The following CEP95 variants were observed in gnomAD, a reference collection of about 807,000 sequenced individuals.
The protein encoded by CEP95 is centrosomal protein of 95 kDa.
A neutral mutation model predicts 111.2 loss-of-function variants in CEP95; 98 were observed. That is an observed-to-expected ratio of 0.88 (90% CI 0.75 to 1.04). The LOEUF is 1.04. Ranked by LOEUF, CEP95 falls within the 50% of genes least tolerant of loss-of-function variation. CEP95 has a pLI of 0.00. For synonymous variants in CEP95, 323 were observed against 327.1 expected (o/e 0.99, Z 0.14); for missense variants, 1,027 against 977.2 (o/e 1.05, Z -0.68).
At chr17:64,507,300 T>G in intron 1 of CEP95, 184 bp downstream of exon 1, 1 of 1,464,038 alleles carries the variant, frequency 6.8e-7, no homozygotes, top group South Asian at 1.4e-5. Context: ...TTCGAGGCCG[T>G]GGAACAGCAG....
At position 64,510,188 on chromosome 17, in the gene CEP95, C is replaced by T. The variant is rs782609312; in HGVS notation, c.164C>T (p.Pro55Leu). ...CCCCCCCCAGACCTCATAGTTATTC[C>T]TAGGAGTCAAGAAGATGATGCACAC... Reference protein sequence around the residue: ...GEKVPDLIVIPRSQEDDAHNV... With the variant: ...GEKVPDLIVILRSQEDDAHNV... The change falls in exon 3 of 20, where the codon CCT (proline) becomes CTT (leucine). Residue 55 changes from proline to leucine, a missense_variant. Physicochemically the swap from Pro to Leu is moderately conservative, Grantham distance 98 (BLOSUM62 -3). Coordinates refer to ENST00000556440, the MANE Select transcript of CEP95 (RefSeq NM_138363.3). 2.5e-6 allele frequency: 4 copies of T among 1,606,804 alleles called. No individual in the cohort carries two copies. Among genetic ancestry groups the T allele is most frequent in the Admixed American group, 1.7e-5 (1 of 59,510 alleles).
At chr17:64,526,673 C>T (rs1967848545) in intron 10 of CEP95, among the ~76,000 whole-genome samples, 1 of 152,130 alleles carries the variant, frequency 6.6e-6, no homozygotes, top group African/African-American at 2.4e-5. Context: ...TAAAACTAAA[C>T]ATGTATGCCA....
Position 64,529,323 on chromosome 17 carries a change from C to G in CEP95, c.1342C>G (p.His448Asp), listed in dbSNP as rs782020863. The G allele has an allele frequency of 1.1e-5, 18 of 1,613,640 alleles. No homozygotes were observed. Among genetic ancestry groups the G allele is most frequent in the Admixed American group, 1.7e-5 (1 of 59,982 alleles). Residue 448 changes from histidine (H) to aspartate (D), a missense_variant, in exon 12 of 20, where the codon CAT (histidine) becomes GAT (aspartate). His to Asp is a moderately conservative substitution (Grantham distance 81). Coordinates refer to ENST00000556440, the MANE Select transcript of CEP95 (RefSeq NM_138363.3). ...GCGTAGAAAGCCACCCTACAGATCC[C>G]ATTCGCTCTCTCCATCTCCAGTTAA... ...SMRRKPPYRS[H>D]SLSPSPVNKH...
In CEP95 at chr17:64,525,979, T is replaced by C. The variant is rs781825571; in HGVS notation, c.1023-92T>C. 362 of 1,503,492 alleles carry C rather than the reference T, an allele frequency of 2.4e-4. 1 individual carries two copies. The highest frequency in any genetic ancestry group is 3.2e-4 in the Non-Finnish European group (355 of 1,111,384). 93.1% of individuals were successfully genotyped at this position (1,503,492 alleles called of 1,614,324 possible). A position where few individuals can be genotyped will look rare whatever the true frequency, so the allele number is the denominator to read the frequency against. ...CCAAATTTAGCTGTGAAGACCAGAA[T>C]GAAGTATTTGTTAAAGTACGTATTA... On this transcript the variant is annotated intron_variant, in intron 9 of 19. Coordinates refer to ENST00000556440, the MANE Select transcript of CEP95 (RefSeq NM_138363.3).
intron 5 of CEP95, among the ~76,000 whole-genome samples, chr17:64,518,298 C>T (rs188668612): frequency 1.2e-4 from 18 of 152,232 alleles, no homozygotes; most frequent in African/African-American, 4.1e-4. Context: ...TTATCAAAAA[C>T]GTGATACTTA....
intron 7 of CEP95, 88 bp from the exon 8 acceptor site, chr17:64,522,614 C>T: frequency 1.3e-6 from 1 of 786,046 alleles, no homozygotes; most frequent in Non-Finnish European, 2.0e-6. Context: ...TGTATGTGAA[C>T]ATGTTTATAT....
At chr17:64,530,077 A>T (rs1968150755) in intron 12 of CEP95, among the ~76,000 whole-genome samples, 1 of 152,192 alleles carries the variant, frequency 6.6e-6, no homozygotes, top group African/African-American at 2.4e-5. Context: ...ATTTCATTTT[A>T]TGTCCCAATT....
At chr17:64,519,487 A>C (rs1967144674) in intron 6 of CEP95, 51 bp downstream of exon 6, 1 of 1,315,960 alleles carries the variant, frequency 7.6e-7, no homozygotes, top group Non-Finnish European at 1.1e-6. Context: ...ACAACTATAA[A>C]AATGTAAATG....
intron 3 of CEP95, among the ~76,000 whole-genome samples, chr17:64,511,514 A>G (rs1311693313): frequency 1.3e-5 from 2 of 152,244 alleles, no homozygotes; most frequent in African/African-American, 4.8e-5. Context: ...ACCAACGGAC[A>G]GAGTTTAAGG....
chr17:64,524,842 G>GT (rs1404595231), intron 8 of CEP95, among the ~76,000 whole-genome samples: 1 of 151,298 alleles, frequency 6.6e-6, no homozygotes, highest in Non-Finnish European at 1.5e-5. Flanking sequence ...GCGGTGGCAG[G>GT]TGCCTGTAAT....
At position 64,506,992 on chromosome 17, in the gene CEP95, G is replaced by A. The variant is rs781994433; in HGVS notation, c.-106G>A. 7.4e-7 allele frequency: 1 copy of A among 1,343,090 alleles called. No individual in the cohort carries two copies. Among genetic ancestry groups the A allele is most frequent in the Non-Finnish European group, 1.0e-6 (1 of 957,930 alleles). The allele number at this position is 1,343,090 out of a possible 1,614,324, so 83.2% of individuals were successfully genotyped here. On this transcript the variant is annotated 5_prime_UTR_variant, in exon 1 of 20. Coordinates refer to ENST00000556440, the MANE Select transcript of CEP95 (RefSeq NM_138363.3). The stretch of plus-strand genomic sequence containing the variant: ...TTCACGCCTCCTTCCCCGCGCTTTG[G>A]TTCGTGCGTCCGCGCCCCAGTGTCG...
rs566677166 is a variant in CEP95, at chr17:64,537,380, C to A, written c.2290-223C>A. On this transcript the variant is annotated intron_variant, in intron 19 of 19. Transcript: ENST00000556440. ...GAAGTAGAAAACCAAATGTATTATA[C>A]CTGTAAAGGGAATGGAGAGAAGACT... 2.4e-5 allele frequency: 33 copies of A among 1,393,508 alleles called. No individual in the cohort carries two copies. The East Asian group carries it at 8.3e-4, about 35-fold the overall frequency. 86.3% of individuals were successfully genotyped at this position (1,393,508 alleles called of 1,614,324 possible).
Position 64,521,389 on chromosome 17 carries a change from T to A in CEP95, c.590-13T>A. 6.3e-7 allele frequency: 1 copy of A among 1,595,978 alleles called. No individual in the cohort carries two copies. The highest frequency in any genetic ancestry group is 8.5e-7 in the Non-Finnish European group (1 of 1,170,480). On this transcript the variant is annotated splice_polypyrimidine_tract_variant and intron_variant, in intron 6 of 19. Coordinates refer to ENST00000556440, the MANE Select transcript of CEP95 (RefSeq NM_138363.3). ...ATAGTTAAAAATTTTACCTTTAATA[T>A]TTTCTTTCCTAGGTGCTCAATGTCC...
At chr17:64,512,585 AAG>A (rs1197163890) in intron 3 of CEP95, among the ~76,000 whole-genome samples, 86 of 152,242 alleles carry the variant, frequency 5.6e-4, no homozygotes, top group African/African-American at 2.0e-3. Flanking sequence ...TAATCACAAA[AAG>A]AGGATTTATA....
Position 64,508,407 on chromosome 17 carries a change from T to A in CEP95, c.20-185T>A, listed in dbSNP as rs1045844611. On this transcript the variant is annotated intron_variant, in intron 1 of 19. Transcript: ENST00000556440. Reference sequence around the variant, plus strand: ...CACTCTGGAAATCATCCCAAGAAATTAAATACATCTTTTTAAAAACCATGC... The same window carrying A: ...CACTCTGGAAATCATCCCAAGAAATAAAATACATCTTTTTAAAAACCATGC... 6 of 984,030 alleles carry A rather than the reference T, an allele frequency of 6.1e-6. No individual in the cohort carries two copies. In the East Asian group the frequency reaches 6.8e-4, roughly 112 times the overall value. 61.0% of individuals were successfully genotyped at this position (984,030 alleles called of 1,614,324 possible). A position where few individuals can be genotyped will look rare whatever the true frequency, so the allele number is the denominator to read the frequency against.
intron 8 of CEP95, among the ~76,000 whole-genome samples, chr17:64,524,184 C>CCTA (rs1967606655): frequency 2.6e-5 from 4 of 152,136 alleles, no homozygotes; most frequent in Non-Finnish European, 4.4e-5. Context: ...TACTCTGTTT[C>CCTA]TTGACCTGGG....
At position 64,537,798 on chromosome 17, in the gene CEP95, T is replaced by C. The variant is rs782116894; in HGVS notation, c.*19T>C. On this transcript the variant is annotated 3_prime_UTR_variant, in exon 20 of 20. Transcript: ENST00000556440. ...CCTATGAGGCCAGACTTGATAATAG[T>C]AGGTGAAGGTTCTGGAGGCCTTTAC... 80 of 1,514,502 alleles carry C rather than the reference T, an allele frequency of 5.3e-5. 2 individuals carry two copies. The South Asian group carries it at 1.0e-3, about 19-fold the overall frequency. The allele number at this position is 1,514,502 out of a possible 1,614,324, so 93.8% of individuals were successfully genotyped here. A position where few individuals can be genotyped will look rare whatever the true frequency, so the allele number is the denominator to read the frequency against.
chr17:64,527,276 A>G lies in CEP95; in HGVS notation c.1306+12A>G. On this transcript the variant is annotated intron_variant, in intron 11 of 19. Transcript: ENST00000556440. ...GAAGTCAAGGCCAGGTACTTACCCCAGAGAGACTGAGAAGGGGGACATCCA... is the reference window on the plus strand; with the variant it reads ...GAAGTCAAGGCCAGGTACTTACCCCGGAGAGACTGAGAAGGGGGACATCCA... 6.3e-7 allele frequency: 1 copy of G among 1,589,846 alleles called. No homozygotes were observed. The highest frequency in any genetic ancestry group is 8.6e-7 in the Non-Finnish European group (1 of 1,168,614).
upstream of CEP95, chr17:64,506,917 C>G (rs1000677464): frequency 2.8e-6 from 2 of 720,250 alleles, no homozygotes; most frequent in East Asian, 2.7e-5. Flanking sequence ...AGGAAGTGCT[C>G]CTCTGATGAC....
Sources: allele counts gnomAD v4.1 joint callset (sites outside exome capture counted in the v4.1 genomes callset), GRCh38; gene constraint gnomAD v4.1.1; transcripts MANE v1.5; gene names NCBI Gene and HGNC (gene_info 2026-07-23, HGNC 2026-07-21).